CFAP97D2: variants seen among roughly 807,000 people sequenced by gnomAD.
CFAP97D2 encodes the protein CFAP97 domain containing 2.
At chr13:114,190,648 A>C (rs916901206) in intron 1 of CFAP97D2, among the ~76,000 whole-genome samples, 1 of 152,234 alleles carries the variant, frequency 6.6e-6, no homozygotes, top group Admixed American at 6.5e-5. Flanking sequence ...AAATGGAGAG[A>C]TATTTTATGT....
At chr13:114,219,429 C>T (rs193127181) in intron 4 of CFAP97D2, among the ~76,000 whole-genome samples, 1 of 152,184 alleles carries the variant, frequency 6.6e-6, no homozygotes, top group Non-Finnish European at 1.5e-5. Context: ...GTGCTTGCAA[C>T]CAATGTTTCA....
intron 2 of CFAP97D2, among the ~76,000 whole-genome samples, chr13:114,197,334 CTTTT>C (rs1387497359): frequency 6.6e-6 from 1 of 152,136 alleles, no homozygotes; most frequent in Non-Finnish European, 1.5e-5. Context: ...TACAAAGAGT[CTTTT>C]TGTCAGTTTT....
chr13:114,182,329 T>C (rs1486771312), intron 1 of CFAP97D2, among the ~76,000 whole-genome samples: 7 of 152,142 alleles, frequency 4.6e-5, no homozygotes, highest in Non-Finnish European at 7.4e-5. Context: ...CCTCCCGCCA[T>C]AGGGCTGTTT....
chr13:114,182,806 C>A (rs1182646848), intron 1 of CFAP97D2, among the ~76,000 whole-genome samples: 1 of 152,202 alleles, frequency 6.6e-6, no homozygotes, highest in African/African-American at 2.4e-5. Flanking sequence ...GTGGCTGGGG[C>A]AAAGCTACAA....
In CFAP97D2 at chr13:114,179,951, C is replaced by T. The variant is rs979914613; in HGVS notation, c.90+531C>T. Among the ~76,000 whole-genome samples, 2 of 152,272 alleles carry T rather than the reference C, an allele frequency of 1.3e-5. No homozygotes were observed. The highest frequency in any genetic ancestry group is 2.1e-4 in the South Asian group (1 of 4,822). On this transcript the variant is annotated intron_variant, in intron 1 of 4. Coordinates refer to ENST00000646158, the Ensembl canonical transcript of CFAP97D2. This position sits in a 1 kb window ranked among gnomAD's most constrained non-coding sequence, Gnocchi z 4.8. ...CAGGCATGAGCCACCGTGCCCGGCCCGGCATCCTTTTCTCTATCAAAACAG... is the reference window on the plus strand; with the variant it reads ...CAGGCATGAGCCACCGTGCCCGGCCTGGCATCCTTTTCTCTATCAAAACAG...
chr13:114,207,715 G>A lies in CFAP97D2; in HGVS notation c.291-4197G>A, dbSNP rs375016628. On this transcript the variant is annotated intron_variant, in intron 3 of 4. Coordinates refer to ENST00000646158, the Ensembl canonical transcript of CFAP97D2. The surrounding 1 kb of genome is among the most constrained non-coding windows in gnomAD (Gnocchi z 4.9). ...ACAGACTGGTATGGGTCCATGGCCC[G>A]GGGGTTGGGGACCTCTGCCTTATAG... Among the ~76,000 whole-genome samples the A allele has an allele frequency of 6.6e-5, 10 of 152,180 alleles. No homozygotes were observed. The highest frequency in any genetic ancestry group is 4.1e-4 in the South Asian group (2 of 4,832).
At chr13:114,188,116 A>G (rs1345756661) in intron 1 of CFAP97D2, among the ~76,000 whole-genome samples, 1 of 131,806 alleles carries the variant, frequency 7.6e-6, no homozygotes, top group African/African-American at 3.2e-5. Context: ...CCATCTCCAC[A>G]AAAAAAAAAA....
rs1351174557 is a variant in CFAP97D2, at chr13:114,186,222, C to G, written c.90+6802C>G. The stretch of plus-strand genomic sequence containing the variant: ...ACCAGCTACAGAGGGGAGCTGCACA[C>G]CCCAAGGTCTCCTCTCTGCTGAGAG... On this transcript the variant is annotated intron_variant, in intron 1 of 4. Coordinates refer to ENST00000646158, the Ensembl canonical transcript of CFAP97D2. The surrounding 1 kb of genome is among the most constrained non-coding windows in gnomAD (Gnocchi z 4.3). Among the ~76,000 whole-genome samples the G allele has an allele frequency of 6.6e-6, 1 of 152,060 alleles. No individual in the cohort carries two copies. The highest frequency in any genetic ancestry group is 2.4e-5 in the African/African-American group (1 of 41,406).
intron 1 of CFAP97D2, among the ~76,000 whole-genome samples, chr13:114,182,737 G>A (rs951458163): frequency 6.6e-6 from 1 of 152,202 alleles, no homozygotes; most frequent in Non-Finnish European, 1.5e-5. Context: ...CTTAAACCTT[G>A]ATTTCATACA....
chr13:114,190,955 C>G (rs770116629), intron 1 of CFAP97D2, among the ~76,000 whole-genome samples: 1 of 152,146 alleles, frequency 6.6e-6, no homozygotes, highest in Non-Finnish European at 1.5e-5. Context: ...TTTGACACAG[C>G]AACAAAGGCA....
chr13:114,183,313 C>T (rs749426259), intron 1 of CFAP97D2, among the ~76,000 whole-genome samples: 2 of 152,054 alleles, frequency 1.3e-5, no homozygotes, highest in Non-Finnish European at 2.9e-5. Context: ...ATTACAGTCG[C>T]GTGCCACCAT....
chr13:114,196,348 T>A, intron 1 of CFAP97D2, 48 bp from the exon 2 acceptor site: 1 of 399,474 alleles, frequency 2.5e-6, no homozygotes, highest in Non-Finnish European at 4.4e-6. Context: ...CTGAGCTCAC[T>A]CTGTTTCCAA....
In CFAP97D2 at chr13:114,215,408, T is replaced by C. The variant is rs937025353; in HGVS notation, c.480+3307T>C. Among the ~76,000 whole-genome samples the C allele has an allele frequency of 2.0e-5, 3 of 152,222 alleles. No homozygotes were observed. The East Asian group carries it at 5.8e-4, about 29-fold the overall frequency. On this transcript the variant is annotated intron_variant, in intron 4 of 4. Coordinates refer to ENST00000646158, the Ensembl canonical transcript of CFAP97D2. ...CAATTCACCTAAGTTTATTTTAAGG[T>C]AGTCAAATCCATCAATAATTTCCCT...
In CFAP97D2 at chr13:114,179,549, C is replaced by T. The variant is rs532688613; in HGVS notation, c.90+129C>T. ...TTTGGAGACAGCATGGTTGAAATGA[C>T]ATTTCCTAACAAGATTCATCATCTA... On this transcript the variant is annotated intron_variant, in intron 1 of 4. Coordinates refer to ENST00000646158, the Ensembl canonical transcript of CFAP97D2. This position sits in a 1 kb window ranked among gnomAD's most constrained non-coding sequence, Gnocchi z 4.8. The T allele has an allele frequency of 4.4e-4, 174 of 392,492 alleles. No individual in the cohort carries two copies. The highest frequency in any genetic ancestry group is 6.4e-4 in the Middle Eastern group (1 of 1,558). 24.3% of individuals were successfully genotyped at this position (392,492 alleles called of 1,614,324 possible).
chr13:114,212,151 C>A, intron 4 of CFAP97D2: 1 of 398,412 alleles, frequency 2.5e-6, no homozygotes, highest in Non-Finnish European at 4.4e-6. Flanking sequence ...TTGAAATTTC[C>A]CGTTTTACTT....
At chr13:114,197,616 G>C (rs2080893705) in intron 2 of CFAP97D2, among the ~76,000 whole-genome samples, 1 of 151,844 alleles carries the variant, frequency 6.6e-6, no homozygotes, top group South Asian at 2.1e-4. Context: ...ATTCAGTGCA[G>C]TTCCAGAATA....
chr13:114,188,438 A>G (rs2080858278), intron 1 of CFAP97D2, among the ~76,000 whole-genome samples: 1 of 152,152 alleles, frequency 6.6e-6, no homozygotes, highest in Non-Finnish European at 1.5e-5. Context: ...ATATTAGAAA[A>G]GAAGAAAGAT....
In CFAP97D2 at chr13:114,203,889, A is replaced by G. The variant is rs1350737461; in HGVS notation, c.290+3446A>G. Among the ~76,000 whole-genome samples the G allele has an allele frequency of 2.0e-5, 3 of 152,332 alleles. No homozygotes were observed. Among genetic ancestry groups the G allele is most frequent in the Non-Finnish European group, 2.9e-5 (2 of 68,032 alleles). On this transcript the variant is annotated intron_variant, in intron 3 of 4. Transcript: ENST00000646158. This position sits in a 1 kb window ranked among gnomAD's most constrained non-coding sequence, Gnocchi z 4.3. The stretch of plus-strand genomic sequence containing the variant: ...GTCTCAAACCCAATCTACAAATTCA[A>G]TACAATCCCAATTAGAACTCCAGCC...
chr13:114,184,781 G>A (rs1406096787), intron 1 of CFAP97D2, among the ~76,000 whole-genome samples: 22 of 152,180 alleles, frequency 1.4e-4, no homozygotes, highest in Non-Finnish European at 1.0e-4. Context: ...TCCACATAAA[G>A]AAAGGAAACC....
Sources: allele counts gnomAD v4.1 joint callset (sites outside exome capture counted in the v4.1 genomes callset), GRCh38; gene constraint gnomAD v4.1.1; non-coding constraint Gnocchi (gnomAD v3.1); transcripts MANE v1.5; gene names NCBI Gene and HGNC (gene_info 2026-07-23, HGNC 2026-07-21).